The following MTHFD1L variants were observed in gnomAD, a reference collection of about 807,000 sequenced individuals.
MTHFD1L encodes the protein monofunctional C1-tetrahydrofolate synthase, mitochondrial.
A neutral mutation model predicts 119.5 loss-of-function variants in MTHFD1L; 81 were observed. That is an observed-to-expected ratio of 0.68 (90% CI 0.57 to 0.82). The LOEUF (loss-of-function observed/expected upper bound fraction) is 0.82. Ranked by LOEUF, MTHFD1L falls within the 40% of genes least tolerant of loss-of-function variation. MTHFD1L has a pLI of 0.00. For missense variants in MTHFD1L, 1,125 were observed against 1,253.4 expected, an observed-to-expected ratio of 0.90 and a Z score of 1.55; for synonymous variants, 430 against 475.2, an observed-to-expected ratio of 0.90 and a Z score of 1.24.
At chr6:150,966,965 G>A (rs773344143) in intron 19 of MTHFD1L, among the ~76,000 whole-genome samples, 2 of 152,214 alleles carry the variant, frequency 1.3e-5, no homozygotes, top group African/African-American at 4.8e-5. Context: ...GGGGAGGGGT[G>A]CAGGATGCAC....
intron 8 of MTHFD1L, among the ~76,000 whole-genome samples, chr6:150,913,250 TC>T (rs1245562905): frequency 2.6e-5 from 4 of 151,354 alleles, no homozygotes; most frequent in Non-Finnish European, 5.9e-5. Context: ...AAGCTCCGCC[TC>T]CCGGGTTCAC....
intron 26 of MTHFD1L, among the ~76,000 whole-genome samples, chr6:151,091,410 C>T (rs1205212562): frequency 1.3e-5 from 2 of 152,110 alleles, no homozygotes; most frequent in Non-Finnish European, 1.5e-5. Context: ...AGCAGTGTTT[C>T]AGGGCCTGAG....
At chr6:151,036,893 T>C (rs1786258638) in intron 25 of MTHFD1L, 72 bp from the exon 26 acceptor site, 1 of 1,545,058 alleles carries the variant, frequency 6.5e-7, no homozygotes. Context: ...CGAGACTGTA[T>C]AAAGTGCAAA....
chr6:150,886,869 G>A (rs1176230986), intron 6 of MTHFD1L, among the ~76,000 whole-genome samples: 5 of 151,258 alleles, frequency 3.3e-5, no homozygotes, highest in Non-Finnish European at 7.4e-5. Context: ...GGTGACTTGT[G>A]CCTGTAGTCC....
At chr6:151,030,641 G>A (rs1320607802) in intron 24 of MTHFD1L, among the ~76,000 whole-genome samples, 3 of 152,194 alleles carry the variant, frequency 2.0e-5, no homozygotes, top group Non-Finnish European at 4.4e-5. Flanking sequence ...AGTCTTCTGC[G>A]CTGTTGCCTG....
intron 26 of MTHFD1L, among the ~76,000 whole-genome samples, chr6:151,061,395 T>TACC (rs1280985825): frequency 2.0e-5 from 3 of 152,142 alleles, no homozygotes; most frequent in Admixed American, 2.0e-4. Context: ...TTTTATTGGG[T>TACC]AATGGTCACG....
chr6:150,923,553 T>TTTTTTTC, intron 10 of MTHFD1L, among the ~76,000 whole-genome samples: 3 of 82,946 alleles, frequency 3.6e-5, no homozygotes, highest in African/African-American at 1.1e-4. Flanking sequence ...TCTTTTTTTT[T>TTTTTTTC]TTTTTTTTTT....
At chr6:150,963,435 A>G (rs868556492) in intron 18 of MTHFD1L, among the ~76,000 whole-genome samples, 8 of 152,232 alleles carry the variant, frequency 5.3e-5, no homozygotes, top group African/African-American at 1.9e-4. Context: ...AGGTTTAATC[A>G]TTCCACAGCA....
In MTHFD1L at chr6:150,871,131, A is replaced by AAT. The variant is rs551963415; in HGVS notation, c.228-4947_228-4946dup. 2.1e-3 allele frequency among the ~76,000 whole-genome samples: 303 copies of AAT among 143,994 alleles called. 1 individual carries two copies. The highest frequency in any genetic ancestry group is 0.015 in the Middle Eastern group (4 of 274). 94.5% of individuals were successfully genotyped at this position (143,994 alleles called of 152,430 possible). On this transcript the variant is annotated intron_variant, in intron 1 of 27. Transcript: ENST00000367321. ...TATAATATATATTAATATATATCTTAATATATATATATAAGGTAATATATA... is the reference window on the plus strand; with the variant it reads ...TATAATATATATTAATATATATCTTAATATATATATATATAAGGTAATATATA...
At chr6:151,066,873 C>G (rs1791353113) in intron 26 of MTHFD1L, among the ~76,000 whole-genome samples, 1 of 152,074 alleles carries the variant, frequency 6.6e-6, no homozygotes, top group Non-Finnish European at 1.5e-5. Flanking sequence ...AGGATAAGCT[C>G]TCATCTTATT....
intron 1 of MTHFD1L, among the ~76,000 whole-genome samples, chr6:150,874,441 GTC>G (rs1225648597): frequency 6.6e-6 from 1 of 152,190 alleles, no homozygotes; most frequent in African/African-American, 2.4e-5. Flanking sequence ...TGTCAGCTGT[GTC>G]TCTCTGAAAA....
At chr6:151,014,105 G>A (rs1227821342) in intron 22 of MTHFD1L, among the ~76,000 whole-genome samples, 1 of 152,130 alleles carries the variant, frequency 6.6e-6, no homozygotes, top group Non-Finnish European at 1.5e-5. Flanking sequence ...CACGCCTGTA[G>A]TCCCAGCATG....
rs1789992258 is a variant in MTHFD1L at position 150,926,391 on chromosome 6, T to G, written c.1256+96T>G. ...CCTCGTACCCCTCAATCCATCCTAT[T>G]CTCACATTTGACATTTCGTCCATTT... On this transcript the variant is annotated intron_variant, in intron 11 of 27. Coordinates refer to ENST00000367321, the MANE Select transcript of MTHFD1L (RefSeq NM_015440.5). This position sits in a 1 kb window ranked among gnomAD's most constrained non-coding sequence, Gnocchi z 4.3. 1 of 1,122,750 alleles carries G rather than the reference T, an allele frequency of 8.9e-7. No homozygotes were observed. The highest frequency in any genetic ancestry group is 1.3e-6 in the Non-Finnish European group (1 of 797,604). The allele number at this position is 1,122,750 out of a possible 1,614,324, so 69.5% of individuals were successfully genotyped here.
intron 20 of MTHFD1L, among the ~76,000 whole-genome samples, chr6:150,979,377 T>A (rs2129035796): frequency 6.6e-6 from 1 of 152,352 alleles, no homozygotes; most frequent in African/African-American, 2.4e-5. Flanking sequence ...TTTTTTCTTT[T>A]CTGTGTTCTA....
intron 26 of MTHFD1L, among the ~76,000 whole-genome samples, chr6:151,062,826 G>T (rs561044294): frequency 9.9e-6 from 1 of 100,708 alleles, no homozygotes; most frequent in Non-Finnish European, 2.1e-5. Context: ...ATACAAGACA[G>T]CCATATATAT....
intron 24 of MTHFD1L, among the ~76,000 whole-genome samples, chr6:151,020,690 C>T (rs2128501572): frequency 6.6e-6 from 1 of 152,302 alleles, no homozygotes; most frequent in Middle Eastern, 3.4e-3. Flanking sequence ...ATCATTTCCT[C>T]TCTACCCTTG....
intron 19 of MTHFD1L, 96 bp downstream of exon 19, chr6:150,965,133 C>G: frequency 9.6e-7 from 1 of 1,046,358 alleles, no homozygotes. Flanking sequence ...ATAGAGCATG[C>G]CTGGGGCAGC....
rs376388784 is a variant in MTHFD1L at position 151,069,653 on chromosome 6, A to G, written c.2848-22814A>G. ...TTGCCTCGGTGTTTCTGTAGTTAGCATCAGGTGTCCTTGGTTCTGTTTACC... is the reference window on the plus strand; with the variant it reads ...TTGCCTCGGTGTTTCTGTAGTTAGCGTCAGGTGTCCTTGGTTCTGTTTACC... On this transcript the variant is annotated intron_variant, in intron 26 of 27. Transcript: ENST00000367321. Among the ~76,000 whole-genome samples, 379 of 152,286 alleles carry G rather than the reference A, an allele frequency of 2.5e-3. 3 individuals are homozygous for G. Among genetic ancestry groups the G allele is most frequent in the South Asian group, 8.5e-3 (41 of 4,820 alleles).
chr6:150,916,292 C>CTTTTT lies in MTHFD1L; in HGVS notation c.893-2262_893-2258dup, dbSNP rs71554488. ...AGTGATGAAGGAAGGAAGGTAGAAT[C>CTTTTT]TTTTTTTTTTTTTTTTTTTTTTTTT... is the stretch of plus-strand genomic sequence containing the variant. On this transcript the variant is annotated intron_variant, in intron 8 of 27. Coordinates refer to ENST00000367321, the MANE Select transcript of MTHFD1L (RefSeq NM_015440.5). Among the ~76,000 whole-genome samples, 7 of 39,986 alleles carry CTTTTT rather than the reference C, an allele frequency of 1.8e-4. 1 individual carries two copies. Among genetic ancestry groups the CTTTTT allele is most frequent in the African/African-American group, 2.0e-4 (2 of 10,204 alleles). 26.2% of individuals were successfully genotyped at this position (39,986 alleles called of 152,430 possible).
Sources: gnomAD v4.1 joint callset for allele counts (sites outside exome capture counted in the v4.1 genomes callset) on GRCh38, gnomAD v4.1.1 for gene constraint, Gnocchi (gnomAD v3.1) non-coding constraint, MANE v1.5 for transcripts, NCBI Gene and HGNC (gene_info 2026-07-23, HGNC 2026-07-21) for gene names.